BCAS1: variants seen among roughly 807,000 people sequenced by gnomAD.
BCAS1 encodes breast carcinoma-amplified sequence 1.
Under a neutral mutation model 65.4 loss-of-function variants are expected in BCAS1, and 46 were observed. That is an observed-to-expected ratio of 0.70 (90% confidence interval 0.55 to 0.90). The LOEUF (loss-of-function observed/expected upper bound fraction) is 0.90, where lower values mean the gene tolerates loss of function less well. BCAS1 is among the 40% of genes least tolerant of loss of function. The pLI, the probability that BCAS1 is intolerant of heterozygous loss-of-function variation, is 0.00. For synonymous variants in BCAS1, 298 were observed against 293.5 expected (o/e 1.02, Z -0.16); for missense variants, 793 against 771.2 (o/e 1.03, Z -0.33).
At chr20:53,965,965 C>T (rs993424531) in intron 10 of BCAS1, among the ~76,000 whole-genome samples, 7 of 151,474 alleles carry the variant, frequency 4.6e-5, no homozygotes, top group South Asian at 2.1e-4. Context: ...ATTAAAAGGC[C>T]GAAAAAAAGA....
intron 8 of BCAS1, among the ~76,000 whole-genome samples, chr20:53,981,465 G>C (rs891723120): frequency 6.6e-6 from 1 of 151,848 alleles, no homozygotes; most frequent in Non-Finnish European, 1.5e-5. Flanking sequence ...GTACTCCACA[G>C]AGTAATACTA....
chr20:54,047,835 T>C (rs1294551989), intron 3 of BCAS1, among the ~76,000 whole-genome samples: 4 of 152,228 alleles, frequency 2.6e-5, no homozygotes, highest in Non-Finnish European at 5.9e-5. Flanking sequence ...TACAGAAATT[T>C]CTGGGGTTTA....
chr20:53,959,635 T>C (rs2089814755), intron 10 of BCAS1, among the ~76,000 whole-genome samples: 1 of 152,190 alleles, frequency 6.6e-6, no homozygotes, highest in African/African-American at 2.4e-5. Context: ...TGGGCTCAAG[T>C]GATCCTCCAG....
intron 4 of BCAS1, among the ~76,000 whole-genome samples, chr20:54,017,952 A>T (rs1475551832): frequency 2.6e-5 from 4 of 152,244 alleles, no homozygotes; most frequent in African/African-American, 9.6e-5. Context: ...GCCTTTAAAT[A>T]CAAAAAACTA....
At chr20:53,986,195 C>G (rs1298533938) in intron 7 of BCAS1, among the ~76,000 whole-genome samples, 1 of 152,152 alleles carries the variant, frequency 6.6e-6, no homozygotes, top group African/African-American at 2.4e-5. Flanking sequence ...TCTTCCTTCC[C>G]TTCTTCCCTT....
At chr20:54,011,639 C>T (rs1039060283) in intron 4 of BCAS1, among the ~76,000 whole-genome samples, 3 of 152,202 alleles carry the variant, frequency 2.0e-5, no homozygotes, top group African/African-American at 7.2e-5. Flanking sequence ...ACAATGTAAT[C>T]ACTTTACATT....
intron 4 of BCAS1, among the ~76,000 whole-genome samples, chr20:54,025,614 A>G (rs1448667438): frequency 6.6e-6 from 1 of 152,120 alleles, no homozygotes; most frequent in Non-Finnish European, 1.5e-5. Flanking sequence ...TTGTGGCTGG[A>G]ATTCCAATCC....
intron 7 of BCAS1, among the ~76,000 whole-genome samples, chr20:53,991,768 T>C (rs1029921294): frequency 6.6e-6 from 1 of 152,228 alleles, no homozygotes; most frequent in Non-Finnish European, 1.5e-5. Context: ...CACAGAAAGA[T>C]AACATTATTA....
In BCAS1 at chr20:53,985,425, T is replaced by C. The variant is rs777504636; in HGVS notation, c.1137A>G (p.Gln379=). 1.2e-6 allele frequency: 2 copies of C among 1,614,030 alleles called. No homozygotes were observed. The highest frequency in any genetic ancestry group is 1.7e-6 in the Non-Finnish European group (2 of 1,179,966). ...ATCCTTTGGAATTCTTGCCAGCCCCTTGGGTCTCCTGGGATGTAAAGTTGG... is the reference window on the plus strand; with the variant it reads ...ATCCTTTGGAATTCTTGCCAGCCCCCTGGGTCTCCTGGGATGTAAAGTTGG... ...DKANFTSQET[Q]GAGKNSKGCN... is the part of the protein sequence containing the mutation. The change falls in exon 8 of 13, where the codon CAA becomes CAG. Residue 379 remains glutamine, a synonymous_variant. Transcript: ENST00000688948.
intron 4 of BCAS1, among the ~76,000 whole-genome samples, chr20:54,012,616 A>C (rs2091346874): frequency 6.6e-6 from 1 of 152,194 alleles, no homozygotes; most frequent in Non-Finnish European, 1.5e-5. Context: ...GTGTGATGGA[A>C]TATTTTGCAG....
chr20:53,972,121 T>C (rs1350946082), intron 9 of BCAS1, among the ~76,000 whole-genome samples: 1 of 152,152 alleles, frequency 6.6e-6, no homozygotes, highest in Non-Finnish European at 1.5e-5. Flanking sequence ...AAGTTGTAGG[T>C]AGAGAAATTT....
At chr20:53,962,173 C>T (rs1471361998) in intron 10 of BCAS1, among the ~76,000 whole-genome samples, 1 of 152,160 alleles carries the variant, frequency 6.6e-6, no homozygotes. Flanking sequence ...GGAAGACTTT[C>T]GGTTTTCTGT....
intron 4 of BCAS1, among the ~76,000 whole-genome samples, chr20:54,014,578 A>G (rs1222777212): frequency 6.6e-6 from 1 of 152,216 alleles, no homozygotes; most frequent in Non-Finnish European, 1.5e-5. Flanking sequence ...AGATTTCCTC[A>G]TTGTGTAGCA....
chr20:54,007,353 C>T (rs1245213990), intron 4 of BCAS1, among the ~76,000 whole-genome samples: 1 of 152,150 alleles, frequency 6.6e-6, no homozygotes, highest in Non-Finnish European at 1.5e-5. Flanking sequence ...CAAGTGGACC[C>T]TATGGATCTA....
At chr20:54,002,820 CAAG>C (rs1392014254) in intron 4 of BCAS1, among the ~76,000 whole-genome samples, 2 of 152,090 alleles carry the variant, frequency 1.3e-5, no homozygotes, top group Non-Finnish European at 2.9e-5. Context: ...ATTTTGCAAA[CAAG>C]AATTGAAGCT....
chr20:54,056,822 A>G (rs1847846629), intron 3 of BCAS1, among the ~76,000 whole-genome samples: 1 of 152,210 alleles, frequency 6.6e-6, no homozygotes, highest in Admixed American at 6.5e-5. Context: ...GTGAAAGAAA[A>G]CAACCATAAC....
chr20:53,963,167 G>A (rs1416130385), intron 10 of BCAS1, among the ~76,000 whole-genome samples: 10 of 150,146 alleles, frequency 6.7e-5, no homozygotes, highest in Admixed American at 6.0e-4. Flanking sequence ...TTATTTTTAT[G>A]AGCAGTAAAT....
At chr20:54,025,117 C>T (rs1385834612) in intron 4 of BCAS1, among the ~76,000 whole-genome samples, 1 of 152,226 alleles carries the variant, frequency 6.6e-6, no homozygotes, top group Non-Finnish European at 1.5e-5. Context: ...AAAAGACATT[C>T]TTCATCTTAT....
intron 12 of BCAS1, among the ~76,000 whole-genome samples, chr20:53,945,346 C>T (rs1422522714): frequency 6.6e-6 from 1 of 152,050 alleles, no homozygotes; most frequent in Non-Finnish European, 1.5e-5. Flanking sequence ...CTAATTCTAC[C>T]TCACTTTAGC....
Sources: allele counts gnomAD v4.1 joint callset (sites outside exome capture counted in the v4.1 genomes callset), GRCh38; gene constraint gnomAD v4.1.1; transcripts MANE v1.5; gene names NCBI Gene and HGNC (gene_info 2026-07-23, HGNC 2026-07-21).